Variants in NSD1 observed in about 807,000 individuals in gnomAD.
The protein encoded by NSD1 is histone-lysine N-methyltransferase, H3 lysine-36 specific.
A neutral mutation model predicts 242.7 loss-of-function variants in NSD1; 26 were observed. The ratio of observed to expected loss-of-function variants is 0.11; its 90% CI spans 0.08 to 0.15. The LOEUF is 0.15. Among genes scored for constraint, NSD1 ranks in the 10% least tolerant of loss-of-function variants. The pLI is 1.00. For missense variants in NSD1, 2,495 were observed against 3,272.8 expected (o/e 0.76, Z 5.80); for synonymous variants, 1,106 against 1,178.1 (o/e 0.94, Z 1.25).
rs893937985 is a variant in NSD1, at chr5:177,162,838, A to G, written c.927+26808A>G. Among the ~76,000 whole-genome samples, 3 of 150,650 alleles carry G rather than the reference A, an allele frequency of 2.0e-5. No individual in the cohort carries two copies. In the Admixed American group the frequency reaches 2.0e-4, roughly 10 times the overall value. On this transcript the variant is annotated intron_variant, in intron 2 of 22. Coordinates refer to ENST00000439151, the MANE Select transcript of NSD1 (RefSeq NM_022455.5). ...CGCTACCTCACCCATCTAATTTTTTATTTTTTTTAGAGATGGGGTTTTGCC... is the reference window on the plus strand; with the variant it reads ...CGCTACCTCACCCATCTAATTTTTTGTTTTTTTTAGAGATGGGGTTTTGCC...
chr5:177,191,507 A>G, intron 2 of NSD1, among the ~76,000 whole-genome samples: 1 of 151,744 alleles, frequency 6.6e-6, no homozygotes, highest in East Asian at 1.9e-4. Context: ...TCTTCCTATA[A>G]TTTTTTCTCC....
rs1248733107 is a variant in NSD1 at position 177,298,490 on chromosome 5, C to G, written c.*3031C>G. ...CTTATCTTGCTGGAGCCAACCCAGTCTAATAGCAAAATAGCTGTCATTGAT... is the reference window on the plus strand; with the variant it reads ...CTTATCTTGCTGGAGCCAACCCAGTGTAATAGCAAAATAGCTGTCATTGAT... On this transcript the variant is annotated 3_prime_UTR_variant, in exon 23 of 23. Coordinates refer to ENST00000439151, the MANE Select transcript of NSD1 (RefSeq NM_022455.5). 2.6e-5 allele frequency: 6 copies of G among 233,168 alleles called. No homozygotes were observed. Among genetic ancestry groups the G allele is most frequent in the Non-Finnish European group, 5.1e-5 (6 of 118,066 alleles). The allele number at this position is 233,168 out of a possible 1,614,324, so 14.4% of individuals were successfully genotyped here. A position where few individuals can be genotyped will look rare whatever the true frequency, so the allele number is the denominator to read the frequency against.
chr5:177,193,290 G>A (rs1343759910), intron 3 of NSD1, among the ~76,000 whole-genome samples: 3 of 152,014 alleles, frequency 2.0e-5, no homozygotes, highest in African/African-American at 4.8e-5. Context: ...ACAGGCGTCC[G>A]CCACCATGCC....
chr5:177,136,566 GTA>G (rs1756349474), intron 2 of NSD1, among the ~76,000 whole-genome samples: 1 of 151,694 alleles, frequency 6.6e-6, no homozygotes, highest in African/African-American at 2.4e-5. Flanking sequence ...TGTTTTGAAG[GTA>G]TAGCATCCTG....
chr5:177,159,896 T>TA (rs201612468), intron 2 of NSD1, among the ~76,000 whole-genome samples: 48 of 142,162 alleles, frequency 3.4e-4, no homozygotes, highest in South Asian at 1.1e-3. Context: ...GCCGAATATA[T>TA]TTTTTTTTTT....
chr5:177,175,460 TAAAA>T (rs935347784), intron 2 of NSD1, among the ~76,000 whole-genome samples: 1 of 147,988 alleles, frequency 6.8e-6, no homozygotes, highest in African/African-American at 2.5e-5. Flanking sequence ...ACCTCATCTC[TAAAA>T]AAAAAAATTT....
intron 2 of NSD1, among the ~76,000 whole-genome samples, chr5:177,137,555 T>C (rs542033924): frequency 6.6e-6 from 1 of 152,306 alleles, no homozygotes; most frequent in Non-Finnish European, 1.5e-5. Context: ...ATCTTGAGTC[T>C]GAATTGTCCT....
In NSD1 at chr5:177,273,744, G is replaced by T; in HGVS notation, c.5582G>T (p.Arg1861Leu). 6.2e-7 allele frequency: 1 copy of T among 1,613,702 alleles called. No homozygotes were observed. The highest frequency in any genetic ancestry group is 8.5e-7 in the Non-Finnish European group (1 of 1,179,774). ...QKELRQLQEDRKNDKKPPPYK... is the reference protein window; with the variant it reads ...QKELRQLQEDLKNDKKPPPYK... ...GAGCTAAGACAGCTGCAGGAAGACC[G>T]AAAGAATGACAAGAAGCCACCACCT... is the stretch of plus-strand genomic sequence containing the variant. Residue 1861 changes from arginine to leucine, a missense_variant, in exon 17 of 23, where the codon CGA becomes CTA. By Grantham distance (102) the Arg-to-Leu change is moderately radical. Coordinates refer to ENST00000439151, the MANE Select transcript of NSD1 (RefSeq NM_022455.5).
chr5:177,132,404 G>T (rs1254447914), upstream of NSD1, among the ~76,000 whole-genome samples: 1 of 151,424 alleles, frequency 6.6e-6, no homozygotes, highest in Admixed American at 6.6e-5. This position sits in a 1 kb window ranked among gnomAD's most constrained non-coding sequence, Gnocchi z 7.5. Flanking sequence ...ACCCACGCCG[G>T]CCGGCGCCCG....
intron 5 of NSD1, chr5:177,221,111 G>C: frequency 4.6e-6 from 2 of 438,002 alleles, no homozygotes; most frequent in Non-Finnish European, 9.1e-6. Context: ...AGCCTGAAAT[G>C]ATCCACCCAC....
chr5:177,273,190 GT>G (rs1277181658), intron 16 of NSD1, among the ~76,000 whole-genome samples: 9 of 151,362 alleles, frequency 5.9e-5, no homozygotes, highest in African/African-American at 2.2e-4. Context: ...TCATTTAGTT[GT>G]TTATTGTTTT....
intron 2 of NSD1, among the ~76,000 whole-genome samples, chr5:177,143,084 A>G (rs1756957034): frequency 6.6e-6 from 1 of 152,160 alleles, no homozygotes; most frequent in Admixed American, 6.6e-5. Flanking sequence ...GAATGATGCT[A>G]TTACAGAGGT....
intron 5 of NSD1, among the ~76,000 whole-genome samples, chr5:177,219,723 G>C (rs2149861915): frequency 1.3e-5 from 2 of 152,218 alleles, no homozygotes; most frequent in East Asian, 3.9e-4. Context: ...TCAGCACTTT[G>C]GGAGGCCAAG....
Position 177,299,276 on chromosome 5 carries a change from GGGA to G in NSD1, c.*3822_*3824del, listed in dbSNP as rs1285426637. The G allele has an allele frequency of 8.6e-6, 2 of 233,200 alleles. No individual in the cohort carries two copies. The highest frequency in any genetic ancestry group is 2.2e-5 in the African/African-American group (1 of 45,352). 14.4% of individuals were successfully genotyped at this position (233,200 alleles called of 1,614,324 possible). A position where few individuals can be genotyped will look rare whatever the true frequency, so the allele number is the denominator to read the frequency against. ...GCTCAAGAAACCCGGGTTCCTGTTT[GGGA>G]GGAGATTTTATGTAGAAAAGTTTGA... On this transcript the variant is annotated 3_prime_UTR_variant, in exon 23 of 23. Transcript: ENST00000439151.
At chr5:177,258,201 A>T (rs181320852) in intron 13 of NSD1, among the ~76,000 whole-genome samples, 2,736 of 149,508 alleles carry the variant, frequency 0.018, 44 homozygotes, top group Non-Finnish European at 0.031. Context: ...GCTGGTCTTG[A>T]ACTCCCGACC....
intron 2 of NSD1, among the ~76,000 whole-genome samples, chr5:177,182,795 G>C (rs943152340): frequency 1.3e-5 from 2 of 151,954 alleles, no homozygotes; most frequent in African/African-American, 4.8e-5. Context: ...CTGCCATTAC[G>C]CCTGGCTAAT....
intron 5 of NSD1, among the ~76,000 whole-genome samples, chr5:177,212,792 G>A (rs1325179354): frequency 2.6e-5 from 4 of 151,158 alleles, no homozygotes; most frequent in Non-Finnish European, 2.9e-5. Flanking sequence ...TAAGGCACCC[G>A]CCACCATACC....
chr5:177,257,589 GCTTTTAT>G (rs1246618055), intron 13 of NSD1, among the ~76,000 whole-genome samples: 1 of 152,046 alleles, frequency 6.6e-6, no homozygotes, highest in East Asian at 1.9e-4. Flanking sequence ...CCTCTCTCTA[GCTTTTAT>G]CAGAGAGATT....
At chr5:177,246,349 G>C (rs1381858278) in intron 9 of NSD1, among the ~76,000 whole-genome samples, 1 of 152,116 alleles carries the variant, frequency 6.6e-6, no homozygotes, top group Non-Finnish European at 1.5e-5. Context: ...TTGATGACTA[G>C]TAAAATGCAT....
Sources: allele counts gnomAD v4.1 joint callset (sites outside exome capture counted in the v4.1 genomes callset), GRCh38; gene constraint gnomAD v4.1.1; non-coding constraint Gnocchi (gnomAD v3.1); transcripts MANE v1.5; gene names NCBI Gene and HGNC (gene_info 2026-07-23, HGNC 2026-07-21).